Variants in LIG3 observed in about 807,000 individuals in gnomAD.
LIG3 encodes the protein ligase II, DNA, ATP-dependent.
Under a neutral mutation model 110.9 loss-of-function variants are expected in LIG3, and 58 were observed. That is an observed-to-expected ratio of 0.52 (90% CI 0.42 to 0.65). The LOEUF (loss-of-function observed/expected upper bound fraction) is 0.65, where lower values mean the gene tolerates loss of function less well. LIG3 is among the 30% of genes least tolerant of loss of function. The pLI is 0.00. For synonymous variants in LIG3, 422 were observed against 472.8 expected, an observed-to-expected ratio of 0.89 and a Z score of 1.39; for missense variants, 1,094 against 1,273.8, an observed-to-expected ratio of 0.86 and a Z score of 2.15.
intron 16 of LIG3, among the ~76,000 whole-genome samples, chr17:35,000,633 T>TG (rs2090830588): frequency 7.5e-6 from 1 of 133,598 alleles, no homozygotes; most frequent in Non-Finnish European, 1.6e-5. Flanking sequence ...TTTTTTTTTT[T>TG]GAGACAGGGT....
At position 34,998,199 on chromosome 17, in the gene LIG3, G is replaced by A. The variant is rs2142274415; in HGVS notation, c.1912-20G>A. ...CTTCTCCACTCTCACACCAACTTCAGCATCTCTCTTGTCCCTCAGAAAGCT... is the reference window on the plus strand; with the variant it reads ...CTTCTCCACTCTCACACCAACTTCAACATCTCTCTTGTCCCTCAGAAAGCT... On this transcript the variant is annotated intron_variant, in intron 12 of 19. Transcript: ENST00000378526. The A allele has an allele frequency of 1.3e-6, 2 of 1,598,616 alleles. No homozygotes were observed. Among genetic ancestry groups the A allele is most frequent in the East Asian group, 4.5e-5 (2 of 44,730 alleles).
intron 4 of LIG3, among the ~76,000 whole-genome samples, chr17:34,990,536 T>G (rs543623785): frequency 3.2e-4 from 48 of 152,344 alleles, no homozygotes; most frequent in African/African-American, 1.1e-3. Context: ...TACCTCAACC[T>G]GCTAAAGTGC....
chr17:34,995,473 T>G (rs1484181198), intron 9 of LIG3, among the ~76,000 whole-genome samples: 1 of 152,148 alleles, frequency 6.6e-6, no homozygotes, highest in African/African-American at 2.4e-5. Context: ...ATCCTTTGCC[T>G]CTCCTGTGAT....
At position 35,005,591 on chromosome 17, in the gene LIG3, T is replaced by G. The variant is rs562127322; in HGVS notation, c.*1085T>G. ...CTGTTTACAATGGGAGGTTTAGGTT[T>G]CATAATGCTGGACCAGTCGAATGCA... On this transcript the variant is annotated 3_prime_UTR_variant, in exon 20 of 20. Coordinates refer to ENST00000378526, the MANE Select transcript of LIG3 (RefSeq NM_013975.4). 28 of 579,050 alleles carry G rather than the reference T, an allele frequency of 4.8e-5. No individual in the cohort carries two copies. Among genetic ancestry groups the G allele is most frequent in the Non-Finnish European group, 9.0e-5 (26 of 288,326 alleles). The allele number at this position is 579,050 out of a possible 1,614,324, so 35.9% of individuals were successfully genotyped here.
intron 16 of LIG3, among the ~76,000 whole-genome samples, chr17:35,000,413 C>G (rs1368007472): frequency 2.0e-5 from 3 of 152,116 alleles, no homozygotes; most frequent in East Asian, 1.9e-4. Flanking sequence ...CATGTGCCAC[C>G]GTGGCCAGCT....
At chr17:34,988,914 GTAATTTCAC>G (rs1250057717) in intron 3 of LIG3, among the ~76,000 whole-genome samples, 2 of 152,162 alleles carry the variant, frequency 1.3e-5, no homozygotes, top group African/African-American at 4.8e-5. Context: ...TGTGATAGCA[GTAATTTCAC>G]ATTGTCTAAC....
At chr17:34,999,550 A>G (rs1334566859) in intron 15 of LIG3, 101 bp downstream of exon 15, 41 of 1,443,538 alleles carry the variant, frequency 2.8e-5, no homozygotes, top group Non-Finnish European at 3.5e-5. Flanking sequence ...CTCCCCAGAA[A>G]GAAGGGTTGC....
chr17:34,983,828 A>G (rs1246435051), intron 2 of LIG3, among the ~76,000 whole-genome samples: 1 of 152,152 alleles, frequency 6.6e-6, no homozygotes, highest in Non-Finnish European at 1.5e-5. Context: ...ATAATTTTAA[A>G]CTCACTGAAG....
intron 14 of LIG3, chr17:34,999,014 A>G: frequency 2.0e-6 from 1 of 502,994 alleles, no homozygotes; most frequent in Non-Finnish European, 3.5e-6. Context: ...CTCTTTCCTG[A>G]CTGGAAAGGA....
chr17:34,986,790 A>C (rs1285018326), intron 3 of LIG3, among the ~76,000 whole-genome samples: 2 of 152,194 alleles, frequency 1.3e-5, no homozygotes, highest in Non-Finnish European at 2.9e-5. Context: ...ATTTTGAGAA[A>C]TTGTTTCCCT....
At chr17:34,990,905 G>A (rs55901631) in intron 4 of LIG3, 58 bp from the exon 5 acceptor site, 3 of 1,566,248 alleles carry the variant, frequency 1.9e-6, no homozygotes, top group Non-Finnish European at 1.7e-6. Context: ...CCTTCTTTGA[G>A]TTTATATATT....
intron 9 of LIG3, among the ~76,000 whole-genome samples, chr17:34,995,528 TG>T (rs1425102969): frequency 5.3e-5 from 8 of 152,200 alleles, no homozygotes; most frequent in Admixed American, 5.2e-4. Flanking sequence ...GGGAATGGCA[TG>T]GATGTGCTGG....
intron 10 of LIG3, 21 bp from the exon 11 acceptor site, chr17:34,996,553 C>CT (rs1421040753): frequency 1.3e-6 from 2 of 1,599,006 alleles, no homozygotes. Context: ...TGTGTACCTA[C>CT]TACCTCATTT....
chr17:35,005,523 A>G lies in LIG3; in HGVS notation c.*1017A>G, dbSNP rs1373976401. On this transcript the variant is annotated 3_prime_UTR_variant, in exon 20 of 20. Transcript: ENST00000378526. ...GGCCAGTAGCTTTCTTGGCCTACAA[A>G]GTAAATGGACAGTATATTATGGAAG... 8 of 573,902 alleles carry G rather than the reference A, an allele frequency of 1.4e-5. No individual in the cohort carries two copies. Among genetic ancestry groups the G allele is most frequent in the African/African-American group, 5.6e-5 (3 of 53,616 alleles). 35.6% of individuals were successfully genotyped at this position (573,902 alleles called of 1,614,324 possible).
Position 35,002,702 on chromosome 17 carries a change from G to A in LIG3, c.2709G>A (p.Lys903=). ...NMQTAKPSAM[K]VGEKLATKSS... ...AGACTGCAAAGCCTTCCGCTATGAA[G>A]GTGGGGGAGAAGCTGGCCACAAAGT... is the stretch of plus-strand genomic sequence containing the variant. The change falls in exon 19 of 20, where the codon AAG becomes AAA. Residue 903 remains lysine (K), a synonymous_variant. Coordinates refer to ENST00000378526, the MANE Select transcript of LIG3 (RefSeq NM_013975.4). 1 of 1,613,800 alleles carries A rather than the reference G, an allele frequency of 6.2e-7. No homozygotes were observed. The highest frequency in any genetic ancestry group is 8.5e-7 in the Non-Finnish European group (1 of 1,179,924).
intron 9 of LIG3, among the ~76,000 whole-genome samples, chr17:34,995,697 C>G (rs1210989335): frequency 6.6e-6 from 1 of 152,128 alleles, no homozygotes; most frequent in Non-Finnish European, 1.5e-5. Flanking sequence ...AATCCAGTCC[C>G]CAGCCTGATA....
intron 19 of LIG3, 22 bp from the exon 20 acceptor site, chr17:35,004,240 TCTGACCCCACC>T (rs1211323124): frequency 1.9e-6 from 3 of 1,557,060 alleles, no homozygotes; most frequent in Admixed American, 1.7e-5. Flanking sequence ...CCAGTGTAGG[TCTGACCCCACC>T]CTGACCCCTC....
At chr17:34,995,676 T>C (rs1052928126) in intron 9 of LIG3, among the ~76,000 whole-genome samples, 4 of 152,196 alleles carry the variant, frequency 2.6e-5, no homozygotes, top group African/African-American at 9.7e-5. Flanking sequence ...TCAAGTAGTC[T>C]GTTCTCCCCT....
Position 35,004,371 on chromosome 17 carries a change from C to T in LIG3, c.2895C>T (p.Asp965=). 2 of 1,614,180 alleles carry T rather than the reference C, an allele frequency of 1.2e-6. No individual in the cohort carries two copies. Among genetic ancestry groups the T allele is most frequent in the South Asian group, 1.1e-5 (1 of 91,076 alleles). Reference sequence around the variant, plus strand: ...GCTACTTTGTGGCATTCGACGGGGACCTGGTACAGGAATTTGATATGACTT... The same window carrying T: ...GCTACTTTGTGGCATTCGACGGGGATCTGGTACAGGAATTTGATATGACTT... ...LRRYFVAFDG[D]LVQEFDMTSA... is the part of the protein sequence containing the mutation. Residue 965 remains aspartate (D), a synonymous_variant, in exon 20 of 20, where the codon GAC becomes GAT. Coordinates refer to ENST00000378526, the MANE Select transcript of LIG3 (RefSeq NM_013975.4).
Sources: gnomAD v4.1 joint callset for allele counts (sites outside exome capture counted in the v4.1 genomes callset) on GRCh38, gnomAD v4.1.1 for gene constraint, MANE v1.5 for transcripts, NCBI Gene and HGNC (gene_info 2026-07-23, HGNC 2026-07-21) for gene names.